Variants in PRKACB observed in about 807,000 individuals in gnomAD.
The protein encoded by PRKACB is cAMP-dependent protein kinase catalytic subunit beta.
In PRKACB, 16 loss-of-function variants were observed where a neutral mutation model predicts 51.4. The ratio of observed to expected loss-of-function variants is 0.31; its 90% CI spans 0.21 to 0.47. The LOEUF (loss-of-function observed/expected upper bound fraction) is 0.47, where lower values mean the gene tolerates loss of function less well. Ranked by LOEUF, PRKACB falls within the 20% of genes least tolerant of loss-of-function variation. PRKACB has a pLI of 1.00. For synonymous variants in PRKACB, 147 were observed against 154.4 expected, an observed-to-expected ratio of 0.95 and a Z score of 0.35; for missense variants, 309 against 464.5, an observed-to-expected ratio of 0.67 and a Z score of 3.08.
At chr1:84,096,912 T>G (rs1238027721) in intron 1 of PRKACB, among the ~76,000 whole-genome samples, 1 of 152,044 alleles carries the variant, frequency 6.6e-6, no homozygotes. Context: ...ATAAGCATGC[T>G]TCCCTCAGAT....
intron 1 of PRKACB, among the ~76,000 whole-genome samples, chr1:84,129,509 C>T (rs1414882365): frequency 6.6e-6 from 1 of 152,110 alleles, no homozygotes; most frequent in Admixed American, 6.5e-5. Context: ...TACAACTTTA[C>T]TGTGGATTTA....
At chr1:84,086,807 G>A (rs114097987) in intron 1 of PRKACB, among the ~76,000 whole-genome samples, 363 of 152,232 alleles carry the variant, frequency 2.4e-3, no homozygotes, top group African/African-American at 8.2e-3. Flanking sequence ...CTAGCCTCCC[G>A]GGCAGGGGGC....
intron 1 of PRKACB, chr1:84,164,697 A>G: frequency 7.2e-7 from 1 of 1,395,172 alleles, no homozygotes; most frequent in East Asian, 2.6e-5. Context: ...TCTCCCTGCC[A>G]TTTTGAGTTG....
chr1:84,111,406 GGTTA>G (rs765494810), intron 1 of PRKACB, among the ~76,000 whole-genome samples: 26 of 151,856 alleles, frequency 1.7e-4, no homozygotes, highest in Non-Finnish European at 3.5e-4. Flanking sequence ...AAAAATATGG[GGTTA>G]GTTCAATGCT....
intron 1 of PRKACB, among the ~76,000 whole-genome samples, chr1:84,158,426 G>A (rs1286868447): frequency 3.3e-5 from 5 of 152,058 alleles, no homozygotes; most frequent in Admixed American, 2.0e-4. Context: ...ACTTTATGAT[G>A]TTGAGCATAT....
At chr1:84,165,262 G>T (rs1657021686) in intron 1 of PRKACB, among the ~76,000 whole-genome samples, 1 of 151,670 alleles carries the variant, frequency 6.6e-6, no homozygotes, top group African/African-American at 2.4e-5. Context: ...TCGATTTATT[G>T]TATTTGTTGG....
At position 84,235,299 on chromosome 1, in the gene PRKACB, A is replaced by T. The variant is rs934936707; in HGVS notation, c.1191A>T (p.Glu397Asp). Reference sequence around the variant, plus strand: ...AAAAATGTGCAAAAGAATTTGGTGAATTTTAAAGAGGAACAAGATGACATC... The same window carrying T: ...AAAAATGTGCAAAAGAATTTGGTGATTTTTAAAGAGGAACAAGATGACATC... ...ITEKCAKEFGEF is the reference protein window; with the variant it reads ...ITEKCAKEFGDF The change falls in exon 10 of 10, where the codon GAA becomes GAT. Residue 397 changes from glutamate (E) to aspartate (D), a missense_variant. Glu to Asp is a conservative substitution (Grantham distance 45). This residue lies in a region of PRKACB where 96 missense variants were observed against 129.9 expected (regional missense o/e 0.74). Coordinates refer to ENST00000370685, the MANE Select transcript of PRKACB (RefSeq NM_182948.4). 9 of 1,614,066 alleles carry T rather than the reference A, an allele frequency of 5.6e-6. No homozygotes were observed. Among genetic ancestry groups the T allele is most frequent in the Non-Finnish European group, 7.6e-6 (9 of 1,179,972 alleles).
intron 6 of PRKACB, 115 bp from the exon 7 acceptor site, chr1:84,197,614 T>A: frequency 1.5e-6 from 1 of 652,516 alleles, no homozygotes; most frequent in African/African-American, 1.9e-5. Flanking sequence ...GACTTAATTT[T>A]TTTTCCATTT....
chr1:84,159,505 A>G (rs946383409), intron 1 of PRKACB, among the ~76,000 whole-genome samples: 11 of 152,062 alleles, frequency 7.2e-5, no homozygotes, highest in South Asian at 2.1e-4. Context: ...TAGTTTCTTT[A>G]TAGATTCCTT....
chr1:84,171,463 A>C (rs902058784), intron 1 of PRKACB, among the ~76,000 whole-genome samples: 1 of 151,694 alleles, frequency 6.6e-6, no homozygotes, highest in African/African-American at 2.4e-5. Flanking sequence ...AGAGTTTTAC[A>C]TACAAGTTTT....
chr1:84,211,973 A>T (rs1466971707), intron 8 of PRKACB, among the ~76,000 whole-genome samples: 2 of 152,184 alleles, frequency 1.3e-5, no homozygotes, highest in Non-Finnish European at 2.9e-5. Context: ...TTGCTAATTT[A>T]TATGAGTTGA....
chr1:84,129,151 C>G (rs1048423345), intron 1 of PRKACB, among the ~76,000 whole-genome samples: 2 of 152,060 alleles, frequency 1.3e-5, no homozygotes, highest in South Asian at 4.1e-4. Flanking sequence ...TTCCATATCT[C>G]TTTTTATGTT....
At chr1:84,158,110 C>G in intron 1 of PRKACB, among the ~76,000 whole-genome samples, 1 of 151,380 alleles carries the variant, frequency 6.6e-6, no homozygotes, top group Non-Finnish European at 1.5e-5. Context: ...AAGTCTCACT[C>G]TGTCACCCAG....
At chr1:84,190,890 T>C (rs1406478583) in intron 5 of PRKACB, among the ~76,000 whole-genome samples, 1 of 152,122 alleles carries the variant, frequency 6.6e-6, no homozygotes, top group East Asian at 1.9e-4. Context: ...TGGTAGTTCT[T>C]TCTCCATCCC....
intron 1 of PRKACB, chr1:84,078,500 G>T (rs1647266247): frequency 2.8e-6 from 3 of 1,066,054 alleles, no homozygotes; most frequent in East Asian, 2.7e-5. Context: ...GAGTCGTTCT[G>T]GGGGGCCGGG....
intron 1 of PRKACB, among the ~76,000 whole-genome samples, chr1:84,146,488 A>C (rs966830518): frequency 6.6e-6 from 1 of 151,922 alleles, no homozygotes. Flanking sequence ...TGAAAACACA[A>C]TTTTTATTTA....
rs576373075 is a variant in PRKACB, at chr1:84,148,926, C to T, written c.187+4378C>T. ...GACAGAGTTAGAAGACAGCTTGCTA[C>T]TCAAAGTGTGGTCCCTGTCCAGCAT... On this transcript the variant is annotated intron_variant, in intron 1 of 9. Transcript: ENST00000370685. Among the ~76,000 whole-genome samples the T allele has an allele frequency of 7.6e-4, 115 of 152,198 alleles. 1 individual carries two copies. Among genetic ancestry groups the T allele is most frequent in the African/African-American group, 2.6e-3 (109 of 41,530 alleles).
At chr1:84,187,475 T>C (rs1176791711) in intron 5 of PRKACB, among the ~76,000 whole-genome samples, 1 of 152,178 alleles carries the variant, frequency 6.6e-6, no homozygotes, top group Non-Finnish European at 1.5e-5. Context: ...TTGTTTACAG[T>C]GTAAATGTCT....
intron 1 of PRKACB, among the ~76,000 whole-genome samples, chr1:84,147,515 A>G (rs565057870): frequency 6.6e-6 from 1 of 152,020 alleles, no homozygotes. Context: ...AACTTTTTTG[A>G]GTATTTACTA....
Sources: allele counts gnomAD v4.1 joint callset (sites outside exome capture counted in the v4.1 genomes callset), GRCh38; gene constraint gnomAD v4.1.1; regional missense constraint gnomAD v4.1.1; transcripts MANE v1.5; gene names NCBI Gene and HGNC (gene_info 2026-07-23, HGNC 2026-07-21).